NPVF: variants seen among roughly 807,000 people sequenced by gnomAD.
NPVF encodes neuropeptide VF precursor, also known as pro-FMRFamide-related neuropeptide VF.
Under a neutral mutation model 15.7 loss-of-function variants are expected in NPVF, and 17 were observed. That is an observed-to-expected ratio of 1.08 (90% CI 0.74 to 1.62). The LOEUF (loss-of-function observed/expected upper bound fraction) is 1.62, where lower values mean the gene tolerates loss of function less well. NPVF is among the 40% of genes most tolerant of loss of function. The probability of loss-of-function intolerance (pLI) is 0.00; values close to 1 mark genes in which losing one functional copy is unlikely to be tolerated. For missense variants in NPVF, 270 were observed against 225.2 expected (o/e 1.20, Z -1.27); for synonymous variants, 70 against 80.1 (o/e 0.87, Z 0.67).
In NPVF at chr7:25,227,727, T is replaced by C. The variant is rs191464628; in HGVS notation, c.138+575A>G. Among the ~76,000 whole-genome samples, 66 of 152,362 alleles carry C rather than the reference T, an allele frequency of 4.3e-4. 1 individual carries two copies. Among genetic ancestry groups the C allele is most frequent in the Middle Eastern group, 3.4e-3 (1 of 294 alleles). On this transcript the variant is annotated intron_variant, in intron 1 of 2. Coordinates refer to ENST00000222674, the MANE Select transcript of NPVF (RefSeq NM_022150.3). ...ATTTAATTAGATTTAGTCTTTACCA[T>C]AGGAGCTTGTCCATATGGAAATTTT...
Position 25,224,886 on chromosome 7 carries a change from A to G in NPVF, c.*236T>C, listed in dbSNP as rs1202051903. 2.1e-6 allele frequency: 1 copy of G among 485,922 alleles called. No individual in the cohort carries two copies. The highest frequency in any genetic ancestry group is 3.6e-6 in the Non-Finnish European group (1 of 278,772). 30.1% of individuals were successfully genotyped at this position (485,922 alleles called of 1,614,324 possible). A position where few individuals can be genotyped will look rare whatever the true frequency, so the allele number is the denominator to read the frequency against. ...CTCTCTCCATTATCAGAGATTTCTA[A>G]AGCATTTGCAATGCTTTTTTTTTAT... On this transcript the variant is annotated 3_prime_UTR_variant, in exon 3 of 3. Coordinates refer to ENST00000222674, the MANE Select transcript of NPVF (RefSeq NM_022150.3).
chr7:25,225,503 C>T (rs73277253), intron 2 of NPVF, among the ~76,000 whole-genome samples: 90 of 152,314 alleles, frequency 5.9e-4, no homozygotes, highest in African/African-American at 1.8e-3. Flanking sequence ...AGTCCTTGTC[C>T]GGGTCCTCAA....
intron 1 of NPVF, 150 bp from the exon 2 acceptor site, chr7:25,227,176 T>C: frequency 1.5e-6 from 1 of 682,016 alleles, no homozygotes. Flanking sequence ...TTTTAAATGA[T>C]TTGTATTAAG....
In NPVF at chr7:25,226,842, A is replaced by G. The variant is rs778264766; in HGVS notation, c.323T>C (p.Leu108Pro). 1 of 1,614,202 alleles carries G rather than the reference A, an allele frequency of 6.2e-7. No individual in the cohort carries two copies. Among genetic ancestry groups the G allele is most frequent in the Non-Finnish European group, 8.5e-7 (1 of 1,180,028 alleles). The change falls in exon 2 of 3, where the codon CTG (leucine) becomes CCG (proline). Residue 108 changes from leucine to proline, a missense_variant. Coordinates refer to ENST00000222674, the MANE Select transcript of NPVF (RefSeq NM_022150.3). Reference sequence around the variant, plus strand: ...CATATTTCTTCCAGATCTCAGAGGCAGGTTGGCTGTTGCTCCAGCACTTCT... The same window carrying G: ...CATATTTCTTCCAGATCTCAGAGGCGGGTTGGCTGTTGCTCCAGCACTTCT... ...EERSAGATANLPLRSGRNMEV... is the reference protein window; with the variant it reads ...EERSAGATANPPLRSGRNMEV...
At position 25,225,184 on chromosome 7, in the gene NPVF, A is replaced by G; in HGVS notation, c.540-11T>C. The G allele has an allele frequency of 6.2e-7, 1 of 1,610,288 alleles. No individual in the cohort carries two copies. The highest frequency in any genetic ancestry group is 1.1e-5 in the South Asian group (1 of 90,824). ...TTGAATAGCAGTCTCCTAAAATGTA[A>G]GCAGTATAAAATGTTGTCACCCATC... is the stretch of plus-strand genomic sequence containing the variant. On this transcript the variant is annotated splice_polypyrimidine_tract_variant and intron_variant, in intron 2 of 2. Transcript: ENST00000222674.
chr7:25,226,222 A>G (rs1354439854), intron 2 of NPVF, among the ~76,000 whole-genome samples: 2 of 152,218 alleles, frequency 1.3e-5, no homozygotes, highest in African/African-American at 4.8e-5. Flanking sequence ...AAAAGTTAGG[A>G]AAGAAAACCT....
In NPVF at chr7:25,226,917, T is replaced by A. The variant is rs1221672543; in HGVS notation, c.248A>T (p.His83Leu). ...MSTPAVNKMP[H>L]SFANLPLRFG... ...TCTCAATGGCAAGTTGGCGAAGGAGTGTGGCATTTTATTGACTGCAGGTGT... is the reference window on the plus strand; with the variant it reads ...TCTCAATGGCAAGTTGGCGAAGGAGAGTGGCATTTTATTGACTGCAGGTGT... The change falls in exon 2 of 3, where the codon CAC (histidine) becomes CTC (leucine). Residue 83 changes from histidine to leucine, a missense_variant. Transcript: ENST00000222674. The A allele has an allele frequency of 6.2e-7, 1 of 1,613,844 alleles. No homozygotes were observed. Among genetic ancestry groups the A allele is most frequent in the Non-Finnish European group, 8.5e-7 (1 of 1,180,008 alleles).
At position 25,225,025 on chromosome 7, in the gene NPVF, G is replaced by T; in HGVS notation, c.*97C>A. Reference sequence around the variant, plus strand: ...GAAAAATTGCCGTTGATGATCCATAGCTGATGAAGTGTATGTAGCTACTCT... The same window carrying T: ...GAAAAATTGCCGTTGATGATCCATATCTGATGAAGTGTATGTAGCTACTCT... On this transcript the variant is annotated 3_prime_UTR_variant, in exon 3 of 3. Coordinates refer to ENST00000222674, the MANE Select transcript of NPVF (RefSeq NM_022150.3). 1.0e-6 allele frequency: 1 copy of T among 972,018 alleles called. No homozygotes were observed. Among genetic ancestry groups the T allele is most frequent in the Non-Finnish European group, 1.6e-6 (1 of 626,382 alleles). The allele number at this position is 972,018 out of a possible 1,614,324, so 60.2% of individuals were successfully genotyped here. A position where few individuals can be genotyped will look rare whatever the true frequency, so the allele number is the denominator to read the frequency against.
intron 2 of NPVF, among the ~76,000 whole-genome samples, chr7:25,225,637 A>G (rs1562549147): frequency 6.6e-6 from 1 of 152,234 alleles, no homozygotes. Context: ...GTGCCTAAAA[A>G]TGACCTCCCT....
chr7:25,227,156 T>C (rs906571750), intron 1 of NPVF, 130 bp from the exon 2 acceptor site: 18 of 790,412 alleles, frequency 2.3e-5, no homozygotes, highest in Admixed American at 1.2e-4. Context: ...TGTGTTCATA[T>C]GTGCAGAATT....
At chr7:25,226,206 T>G (rs1288736728) in intron 2 of NPVF, among the ~76,000 whole-genome samples, 1 of 152,132 alleles carries the variant, frequency 6.6e-6, no homozygotes, top group Non-Finnish European at 1.5e-5. Flanking sequence ...AGAAAACACT[T>G]TGATTAAAAG....
At chr7:25,227,490 G>T (rs1371153036) in intron 1 of NPVF, among the ~76,000 whole-genome samples, 1 of 152,184 alleles carries the variant, frequency 6.6e-6, no homozygotes, top group Non-Finnish European at 1.5e-5. Flanking sequence ...AAACAGAGAT[G>T]CTGGCCAGGT....
At chr7:25,225,819 A>C (rs1228551813) in intron 2 of NPVF, among the ~76,000 whole-genome samples, 1 of 152,172 alleles carries the variant, frequency 6.6e-6, no homozygotes, top group Non-Finnish European at 1.5e-5. Context: ...CACAGTTCTT[A>C]GGCTCTGGGC....
intron 1 of NPVF, 103 bp downstream of exon 1, chr7:25,228,197 CAG>C (rs1241684351): frequency 3.7e-6 from 3 of 802,650 alleles, no homozygotes; most frequent in Non-Finnish European, 6.1e-6. Flanking sequence ...CACAAAAAAA[CAG>C]AGTACACACC....
Position 25,225,083 on chromosome 7 carries a change from G to T in NPVF, c.*39C>A. On this transcript the variant is annotated 3_prime_UTR_variant, in exon 3 of 3. Coordinates refer to ENST00000222674, the MANE Select transcript of NPVF (RefSeq NM_022150.3). Reference sequence around the variant, plus strand: ...GGTCTTCGCTATAGAGCCATTTGTAGATTACAGGCCACAGCTTTAGGGACA... The same window carrying T: ...GGTCTTCGCTATAGAGCCATTTGTATATTACAGGCCACAGCTTTAGGGACA... 1.3e-6 allele frequency: 2 copies of T among 1,582,146 alleles called. No homozygotes were observed. The highest frequency in any genetic ancestry group is 2.2e-5 in the South Asian group (2 of 89,254).
intron 2 of NPVF, among the ~76,000 whole-genome samples, chr7:25,225,772 C>T (rs1485318680): frequency 6.6e-6 from 1 of 152,212 alleles, no homozygotes; most frequent in Admixed American, 6.5e-5. Context: ...TTATTTCATT[C>T]ATCCCGTCAG....
At chr7:25,225,542 G>A (rs961877096) in intron 2 of NPVF, among the ~76,000 whole-genome samples, 4 of 152,154 alleles carry the variant, frequency 2.6e-5, no homozygotes, top group Non-Finnish European at 2.9e-5. Flanking sequence ...TTACTCTAAC[G>A]GTCTAGACTT....
Position 25,226,637 on chromosome 7 carries a change from T to G in NPVF, c.528A>C (p.Gln176His), listed in dbSNP as rs1393219256. The change falls in exon 2 of 3, where the codon CAA (glutamine) becomes CAC (histidine). Residue 176 changes from glutamine to histidine, a missense_variant. Gln to His is a conservative substitution (Grantham distance 24, BLOSUM62 0). Coordinates refer to ENST00000222674, the MANE Select transcript of NPVF (RefSeq NM_022150.3). Reference sequence around the variant, plus strand: ...TTCCAGGTATTTACCTTGACTGTTTTTGATCGGGATTCTGGATTTCTTGGT... The same window carrying G: ...TTCCAGGTATTTACCTTGACTGTTTGTGATCGGGATTCTGGATTTCTTGGT... ...CQHQEIQNPD[Q>H]KQSRRLLFKK... 6.2e-7 allele frequency: 1 copy of G among 1,613,534 alleles called. No individual in the cohort carries two copies. The highest frequency in any genetic ancestry group is 1.1e-5 in the South Asian group (1 of 91,024).
At chr7:25,226,407 G>T (rs76029877) in intron 2 of NPVF, among the ~76,000 whole-genome samples, 367 of 152,276 alleles carry the variant, frequency 2.4e-3, no homozygotes, top group African/African-American at 7.2e-3. Flanking sequence ...CTTAGGGGAA[G>T]CCATCCTATG....
Sources: gnomAD v4.1 joint callset for allele counts (sites outside exome capture counted in the v4.1 genomes callset) on GRCh38, gnomAD v4.1.1 for gene constraint, MANE v1.5 for transcripts, NCBI Gene and HGNC (gene_info 2026-07-23, HGNC 2026-07-21) for gene names.